Variants in ENPP6 observed in about 807,000 individuals in gnomAD.
ENPP6 encodes the protein ectonucleotide pyrophosphatase/phosphodiesterase 6.
A neutral mutation model predicts 42.0 loss-of-function variants in ENPP6; 32 were observed. The ratio of observed to expected loss-of-function variants is 0.76; its 90% confidence interval spans 0.58 to 1.02. The LOEUF is 1.02. ENPP6 is among the 50% of genes least tolerant of loss of function. ENPP6 has a pLI of 0.00. For synonymous variants in ENPP6, 213 were observed against 216.0 expected, an observed-to-expected ratio of 0.99 and a Z score of 0.12; for missense variants, 552 against 566.8, an observed-to-expected ratio of 0.97 and a Z score of 0.27.
intron 1 of ENPP6, among the ~76,000 whole-genome samples, chr4:184,185,687 G>A (rs1732624291): frequency 6.6e-6 from 1 of 152,230 alleles, no homozygotes; most frequent in South Asian, 2.1e-4. Context: ...GTGGCATATT[G>A]TACAAGACAA....
chr4:184,096,414 A>G (rs1735902436), intron 7 of ENPP6, among the ~76,000 whole-genome samples: 1 of 152,208 alleles, frequency 6.6e-6, no homozygotes, highest in African/African-American at 2.4e-5. Flanking sequence ...TTAGTGCAGG[A>G]GGACGGACTG....
At chr4:184,123,368 A>G (rs916407632) in intron 3 of ENPP6, among the ~76,000 whole-genome samples, 1 of 152,060 alleles carries the variant, frequency 6.6e-6, no homozygotes, top group African/African-American at 2.4e-5. Flanking sequence ...GGGGGGATGA[A>G]GGTCCTGTCC....
intron 1 of ENPP6, among the ~76,000 whole-genome samples, chr4:184,182,090 A>G (rs1732564431): frequency 6.6e-6 from 1 of 152,142 alleles, no homozygotes; most frequent in African/African-American, 2.4e-5. Flanking sequence ...AGAACAAGAG[A>G]AAATTTTTGC....
chr4:184,095,683 T>G (rs1407122879), intron 7 of ENPP6, among the ~76,000 whole-genome samples: 2 of 150,896 alleles, frequency 1.3e-5, no homozygotes, highest in South Asian at 2.1e-4. Flanking sequence ...TATATATATA[T>G]ATAGATATAT....
rs532722418 is a variant in ENPP6 at position 184,090,290 on chromosome 4, T to C, written c.*887A>G. 1 of 152,294 alleles carries C rather than the reference T, an allele frequency of 6.6e-6. No individual in the cohort carries two copies. Among genetic ancestry groups the C allele is most frequent in the South Asian group, 2.1e-4 (1 of 4,830 alleles). The allele number at this position is 152,294 out of a possible 1,614,324, so 9.4% of individuals were successfully genotyped here. On this transcript the variant is annotated 3_prime_UTR_variant, in exon 8 of 8. Transcript: ENST00000296741. ...TCAGGGATTGCTCTTGTCTGCACCC[T>C]ATATTGGGAGCCACAGAGTGGCATG...
At chr4:184,145,395 C>T (rs1736900941) in intron 2 of ENPP6, among the ~76,000 whole-genome samples, 1 of 152,114 alleles carries the variant, frequency 6.6e-6, no homozygotes, top group Non-Finnish European at 1.5e-5. Context: ...CATCAAATGA[C>T]ACATTTTGTT....
intron 5 of ENPP6, among the ~76,000 whole-genome samples, chr4:184,113,965 C>CCTTCTTTCTTTCTT: frequency 2.7e-5 from 1 of 36,514 alleles, no homozygotes; most frequent in African/African-American, 9.7e-5. Context: ...CTTTCTTTCT[C>CCTTCTTTCTTTCTT]TCTTTCTTTC....
chr4:184,126,350 C>T (rs1736502680), intron 2 of ENPP6, among the ~76,000 whole-genome samples: 1 of 152,170 alleles, frequency 6.6e-6, no homozygotes. Flanking sequence ...TGATTAATTA[C>T]ATGTAAAATT....
intron 7 of ENPP6, among the ~76,000 whole-genome samples, chr4:184,092,572 G>A (rs184166641): frequency 5.3e-5 from 8 of 152,300 alleles, no homozygotes; most frequent in African/African-American, 9.6e-5. Flanking sequence ...TCTCTACAGC[G>A]GGCAGATGAG....
chr4:184,097,274 A>G lies in ENPP6; in HGVS notation c.1088T>C (p.Met363Thr), dbSNP rs368414456. The G allele has an allele frequency of 8.7e-5, 140 of 1,614,166 alleles. No homozygotes were observed. In the Middle Eastern group the frequency reaches 1.8e-3, roughly 21 times the overall value. ...WHGYDNELMD[M>T]RGIFLAFGPD... Reference sequence around the variant, plus strand: ...TCCGAAGGCCAGGAAGATGCCCCGCATGTCCATGAGCTCGTTGTCGTAGCC... The same window carrying G: ...TCCGAAGGCCAGGAAGATGCCCCGCGTGTCCATGAGCTCGTTGTCGTAGCC... Residue 363 changes from methionine to threonine, a missense_variant, in exon 7 of 8, where the codon ATG becomes ACG. This residue lies in a region of ENPP6 where 545 missense variants were observed against 546.3 expected (regional missense o/e 1.00). Transcript: ENST00000296741.
intron 6 of ENPP6, among the ~76,000 whole-genome samples, chr4:184,107,553 G>A (rs1736118043): frequency 6.6e-6 from 1 of 152,154 alleles, no homozygotes; most frequent in African/African-American, 2.4e-5. Flanking sequence ...GAGGTGGGCA[G>A]ATCACAAGGT....
chr4:184,144,832 T>C (rs17075349), intron 2 of ENPP6, among the ~76,000 whole-genome samples: 12,573 of 152,330 alleles, frequency 0.083, 1,382 homozygotes, highest in African/African-American at 0.25. Context: ...CAAGGTCTTC[T>C]TCACTGGGTC....
Position 184,091,050 on chromosome 4 carries a change from T to C in ENPP6, c.*127A>G. ...TGTATAGAATTATCCAAGAATAATG[T>C]ATTTACAATGTGCATGGTCTTGATT... On this transcript the variant is annotated 3_prime_UTR_variant, in exon 8 of 8. Transcript: ENST00000296741. 1 of 809,976 alleles carries C rather than the reference T, an allele frequency of 1.2e-6. No individual in the cohort carries two copies. The allele number at this position is 809,976 out of a possible 1,614,324, so 50.2% of individuals were successfully genotyped here.
chr4:184,175,466 A>C (rs1014287873), intron 1 of ENPP6, among the ~76,000 whole-genome samples: 1 of 152,054 alleles, frequency 6.6e-6, no homozygotes, highest in African/African-American at 2.4e-5. Flanking sequence ...TCTCTTCTAC[A>C]CCACTATGAG....
chr4:184,106,499 G>A, intron 6 of ENPP6, among the ~76,000 whole-genome samples: 1 of 151,952 alleles, frequency 6.6e-6, no homozygotes, highest in East Asian at 1.9e-4. Context: ...GTCTTTCCTG[G>A]CTCAGGTTCT....
chr4:184,156,622 T>C (rs553125584), intron 1 of ENPP6, among the ~76,000 whole-genome samples: 128 of 152,346 alleles, frequency 8.4e-4, no homozygotes, highest in African/African-American at 2.7e-3. Context: ...ACACCACAAT[T>C]GCAAGTGGTT....
At chr4:184,167,784 C>T (rs7666944) in intron 1 of ENPP6, among the ~76,000 whole-genome samples, 7,376 of 152,202 alleles carry the variant, frequency 0.048, 583 homozygotes, top group African/African-American at 0.16. Context: ...TCACAGCAGC[C>T]GCAGCTGGTT....
At chr4:184,130,536 C>T (rs1438412338) in intron 2 of ENPP6, among the ~76,000 whole-genome samples, 1 of 74,010 alleles carries the variant, frequency 1.4e-5, no homozygotes, top group Non-Finnish European at 3.0e-5. Context: ...CCAGCCTGGG[C>T]CACAGAGCGA....
intron 2 of ENPP6, among the ~76,000 whole-genome samples, chr4:184,147,589 G>A (rs1736948899): frequency 6.6e-6 from 1 of 152,016 alleles, no homozygotes; most frequent in South Asian, 2.1e-4. Context: ...AGACCAGACT[G>A]GGCAACATAG....
Sources: allele counts gnomAD v4.1 joint callset (sites outside exome capture counted in the v4.1 genomes callset), GRCh38; gene constraint gnomAD v4.1.1; regional missense constraint gnomAD v4.1.1; transcripts MANE v1.5; gene names NCBI Gene and HGNC (gene_info 2026-07-23, HGNC 2026-07-21).